Variants in CCNI observed in about 807,000 individuals in gnomAD.
CCNI encodes the protein cyclin I.
CCNI carries 14 observed loss-of-function variants against 34.1 expected under a neutral mutation model. The observed-to-expected ratio is 0.41, with a 90% CI of 0.27 to 0.64. CCNI has a LOEUF of 0.64. Among genes scored for constraint, CCNI ranks in the 30% least tolerant of loss-of-function variants. The pLI is 0.31. For synonymous variants in CCNI, 154 were observed against 158.4 expected (o/e 0.97, Z 0.21); for missense variants, 385 against 440.5 (o/e 0.87, Z 1.13).
chr4:77,053,217 G>A (rs1727987213), intron 6 of CCNI, among the ~76,000 whole-genome samples: 2 of 152,090 alleles, frequency 1.3e-5, no homozygotes, highest in African/African-American at 4.8e-5. Context: ...ACTGGGAAAG[G>A]GTTCCACTTC....
rs1369216892 is a variant in CCNI, at chr4:77,048,069, C to T, written c.*150G>A. The stretch of plus-strand genomic sequence containing the variant: ...TAACGCTGAATTATAATTAGCCACA[C>T]AAATAATGAGAGTTTTATTTTTTTT... On this transcript the variant is annotated 3_prime_UTR_variant, in exon 7 of 7. Transcript: ENST00000237654. 1 of 529,228 alleles carries T rather than the reference C, an allele frequency of 1.9e-6. No homozygotes were observed. The highest frequency in any genetic ancestry group is 3.3e-5 in the Admixed American group (1 of 30,448). The allele number at this position is 529,228 out of a possible 1,614,324, so 32.8% of individuals were successfully genotyped here.
At chr4:77,073,509 G>C (rs1444794892) in intron 1 of CCNI, among the ~76,000 whole-genome samples, 1 of 152,156 alleles carries the variant, frequency 6.6e-6, no homozygotes, top group African/African-American at 2.4e-5. Flanking sequence ...TGAAAGGAGG[G>C]ATTAACGTGG....
At chr4:77,066,196 G>A in intron 2 of CCNI, 53 bp downstream of exon 2, 1 of 1,378,046 alleles carries the variant, frequency 7.3e-7, no homozygotes, top group Non-Finnish European at 1.0e-6. Flanking sequence ...ATGTATGGCA[G>A]TAGTATGTTT....
At chr4:77,066,543 T>C in intron 1 of CCNI, 138 bp from the exon 2 acceptor site, 2 of 577,004 alleles carry the variant, frequency 3.5e-6, no homozygotes, top group South Asian at 2.2e-5. Context: ...AAATATCGTA[T>C]TAAAATACCA....
rs1404025900 is a variant in CCNI at position 77,055,272 on chromosome 4, C to G, written c.568G>C (p.Ala190Pro). Reference sequence around the variant, plus strand: ...CTGAATTGCAGAAGTTGGTTGCAGGCCATACAGTGAAGTAGTTGCTTGGTA... The same window carrying G: ...CTGAATTGCAGAAGTTGGTTGCAGGGCATACAGTGAAGTAGTTGCTTGGTA... ...VLTKQLLHCM[A>P]CNQLLQFRGS... Residue 190 changes from alanine (A) to proline (P), a missense_variant, in exon 6 of 7, where the codon GCC becomes CCC. Transcript: ENST00000237654. 1 of 1,614,062 alleles carries G rather than the reference C, an allele frequency of 6.2e-7. No homozygotes were observed. Among genetic ancestry groups the G allele is most frequent in the South Asian group, 1.1e-5 (1 of 91,074 alleles).
intron 6 of CCNI, among the ~76,000 whole-genome samples, chr4:77,053,811 G>A (rs529701483): frequency 1.1e-4 from 16 of 152,238 alleles, no homozygotes; most frequent in Admixed American, 9.8e-4. Context: ...TCCAGGGTGA[G>A]CAAAGTAAAT....
chr4:77,049,811 T>C (rs1474819517), intron 6 of CCNI, among the ~76,000 whole-genome samples: 2 of 152,210 alleles, frequency 1.3e-5, no homozygotes, highest in Non-Finnish European at 2.9e-5. Flanking sequence ...ATTATATTCA[T>C]CTTTTTATCC....
chr4:77,068,130 A>T (rs572441986), intron 1 of CCNI, among the ~76,000 whole-genome samples: 34 of 152,256 alleles, frequency 2.2e-4, no homozygotes, highest in Non-Finnish European at 4.3e-4. Context: ...ATGAGCCAAG[A>T]TTGCACCACT....
At chr4:77,056,607 T>TG (rs1560773909) in intron 3 of CCNI, 5 of 219,124 alleles carry the variant, frequency 2.3e-5, no homozygotes, top group Admixed American at 5.9e-5. Context: ...TTTTTTTTTT[T>TG]GAGACGGAGT....
At chr4:77,056,949 C>T (rs557995985) in intron 3 of CCNI, among the ~76,000 whole-genome samples, 1 of 152,228 alleles carries the variant, frequency 6.6e-6, no homozygotes, top group African/African-American at 2.4e-5. Flanking sequence ...AAAATAATAT[C>T]AATTCCATTG....
chr4:77,070,192 A>G (rs1027449926), intron 1 of CCNI, among the ~76,000 whole-genome samples: 1 of 151,642 alleles, frequency 6.6e-6, no homozygotes, highest in Non-Finnish European at 1.5e-5. Flanking sequence ...TAATTTTTGT[A>G]TTTTTAGTAG....
At chr4:77,052,004 C>CATCTAACT (rs1727884493) in intron 6 of CCNI, among the ~76,000 whole-genome samples, 3 of 150,420 alleles carry the variant, frequency 2.0e-5, no homozygotes, top group Admixed American at 6.6e-5. Flanking sequence ...GGTACATGTG[C>CATCTAACT]AGGTTTATTA....
At chr4:77,051,956 T>G (rs970738879) in intron 6 of CCNI, among the ~76,000 whole-genome samples, 7 of 143,204 alleles carry the variant, frequency 4.9e-5, no homozygotes, top group Admixed American at 1.4e-4. Flanking sequence ...GTTTTTTTGT[T>G]TTTTTTTTTT....
At chr4:77,052,467 G>A (rs1302237616) in intron 6 of CCNI, among the ~76,000 whole-genome samples, 3 of 152,170 alleles carry the variant, frequency 2.0e-5, no homozygotes, top group Non-Finnish European at 4.4e-5. Context: ...GTGACCAACA[G>A]GTGGCGCAAG....
chr4:77,048,684 G>C (rs1400581719), intron 6 of CCNI, 22 bp from the exon 7 acceptor site: 1 of 1,401,306 alleles, frequency 7.1e-7, no homozygotes, highest in East Asian at 2.3e-5. Context: ...AAAAAAAAAA[G>C]CCACACACAG....
intron 6 of CCNI, among the ~76,000 whole-genome samples, chr4:77,053,073 T>C (rs898989412): frequency 5.3e-5 from 8 of 152,188 alleles, no homozygotes; most frequent in Non-Finnish European, 7.4e-5. Context: ...CTACACTACA[T>C]AGGTAGATTT....
chr4:77,074,304 G>T (rs1374117747), intron 1 of CCNI, among the ~76,000 whole-genome samples: 1 of 152,124 alleles, frequency 6.6e-6, no homozygotes, highest in Non-Finnish European at 1.5e-5. Context: ...TCTAGTAGAG[G>T]GGCTCAGAAT....
intron 1 of CCNI, chr4:77,075,077 T>G (rs1003449818): frequency 6.6e-6 from 1 of 151,766 alleles, no homozygotes. Context: ...ATCCTCCTGG[T>G]GTCCCCGGAG....
chr4:77,058,721 G>A (rs1728404666), intron 2 of CCNI, 86 bp from the exon 3 acceptor site: 2 of 1,074,324 alleles, frequency 1.9e-6, no homozygotes, highest in Admixed American at 2.3e-5. Flanking sequence ...TAAAAGGTTA[G>A]GTAATACTAC....
Sources: gnomAD v4.1 joint callset for allele counts (sites outside exome capture counted in the v4.1 genomes callset) on GRCh38, gnomAD v4.1.1 for gene constraint, MANE v1.5 for transcripts, NCBI Gene and HGNC (gene_info 2026-07-23, HGNC 2026-07-21) for gene names.